The following SEL1L2 variants were observed in gnomAD, a reference collection of about 807,000 sequenced individuals.
The protein encoded by SEL1L2 is protein sel-1 homolog 2.
In SEL1L2, 89 loss-of-function variants were observed where a neutral mutation model predicts 98.8. The observed-to-expected ratio is 0.90, with a 90% CI of 0.76 to 1.07. SEL1L2 has a LOEUF of 1.07. Ranked by LOEUF, SEL1L2 falls within the 50% of genes least tolerant of loss-of-function variation. The probability of loss-of-function intolerance (pLI) is 0.00; values close to 1 mark genes in which losing one functional copy is unlikely to be tolerated. For synonymous variants in SEL1L2, 262 were observed against 278.5 expected (o/e 0.94, Z 0.59); for missense variants, 788 against 812.0 (o/e 0.97, Z 0.36).
At chr20:13,940,872 C>T (rs949669197) in intron 2 of SEL1L2, among the ~76,000 whole-genome samples, 1 of 151,954 alleles carries the variant, frequency 6.6e-6, no homozygotes, top group African/African-American at 2.4e-5. Flanking sequence ...TGCACTCCAG[C>T]CTGGGTGACA....
chr20:13,877,265 C>T (rs901924952), intron 11 of SEL1L2, among the ~76,000 whole-genome samples: 3 of 152,242 alleles, frequency 2.0e-5, no homozygotes, highest in Admixed American at 2.0e-4. Context: ...TGAAAGAGGC[C>T]TGCTGCCCTG....
At chr20:13,864,890 T>C (rs1324896726) in intron 17 of SEL1L2, among the ~76,000 whole-genome samples, 1 of 152,178 alleles carries the variant, frequency 6.6e-6, no homozygotes, top group East Asian at 1.9e-4. Flanking sequence ...AGTAAAATTG[T>C]ATATTTCAAA....
Position 13,881,666 on chromosome 20 carries a change from G to T in SEL1L2, c.957+3681C>A, listed in dbSNP as rs754530926. 3.9e-5 allele frequency among the ~76,000 whole-genome samples: 6 copies of T among 152,162 alleles called. 1 individual carries two copies. Among genetic ancestry groups the T allele is most frequent in the Non-Finnish European group, 8.8e-5 (6 of 68,024 alleles). Reference sequence around the variant, plus strand: ...AGAGGGTAAAAACGTTTTCTGTGATGACAACTCATGAGAGAGATTAGTTCA... The same window carrying T: ...AGAGGGTAAAAACGTTTTCTGTGATTACAACTCATGAGAGAGATTAGTTCA... On this transcript the variant is annotated intron_variant, in intron 10 of 19. Coordinates refer to ENST00000284951, the MANE Select transcript of SEL1L2 (RefSeq NM_025229.2).
chr20:13,873,746 G>A (rs1360874679), intron 12 of SEL1L2, among the ~76,000 whole-genome samples: 1 of 152,188 alleles, frequency 6.6e-6, no homozygotes, highest in African/African-American at 2.4e-5. Context: ...GTTTCAGGGT[G>A]TAATGCTCTT....
chr20:13,898,705 G>A (rs2047526592), intron 5 of SEL1L2, among the ~76,000 whole-genome samples: 1 of 152,024 alleles, frequency 6.6e-6, no homozygotes, highest in South Asian at 2.1e-4. Flanking sequence ...CCTGGGCCCT[G>A]TTTAGCACCT....
chr20:13,962,025 G>T (rs149708804), intron 1 of SEL1L2, among the ~76,000 whole-genome samples: 1 of 152,120 alleles, frequency 6.6e-6, no homozygotes, highest in South Asian at 2.1e-4. Flanking sequence ...GAACTTCATC[G>T]ACATCTTGAC....
chr20:13,865,186 C>G lies in SEL1L2; in HGVS notation c.1626G>C (p.Trp542Cys). 1 of 1,612,960 alleles carries G rather than the reference C, an allele frequency of 6.2e-7. No individual in the cohort carries two copies. Among genetic ancestry groups the G allele is most frequent in the South Asian group, 1.1e-5 (1 of 91,014 alleles). The change falls in exon 17 of 20, where the codon TGG becomes TGC. Residue 542 changes from tryptophan (W) to cysteine (C), a missense_variant. By Grantham distance (215) the Trp-to-Cys change is radical. Transcript: ENST00000284951. ...EKMYPMALLL[W>C]NRAAIQGNAF... ...CCATACCTTGAATGGCAGCTCGATT[C>G]CATAGGAGAAGCGCCATTGGATACA...
At chr20:13,910,068 T>C (rs2048149988) in intron 5 of SEL1L2, among the ~76,000 whole-genome samples, 1 of 152,178 alleles carries the variant, frequency 6.6e-6, no homozygotes, top group Admixed American at 6.5e-5. Flanking sequence ...TTTTGGGCCA[T>C]AAGTTTGTCC....
chr20:13,873,532 T>G (rs1246036791), intron 12 of SEL1L2, among the ~76,000 whole-genome samples: 1 of 151,914 alleles, frequency 6.6e-6, no homozygotes, highest in Non-Finnish European at 1.5e-5. Flanking sequence ...CAGCTAATTT[T>G]TGTATTTTTA....
chr20:13,864,150 C>T (rs1393860850), intron 17 of SEL1L2, among the ~76,000 whole-genome samples: 1 of 152,140 alleles, frequency 6.6e-6, no homozygotes, highest in East Asian at 1.9e-4. Context: ...GGTATTGTTT[C>T]CCCACTCTAA....
chr20:13,896,718 T>C (rs1423766213), intron 5 of SEL1L2, among the ~76,000 whole-genome samples: 2 of 152,118 alleles, frequency 1.3e-5, no homozygotes, highest in African/African-American at 4.8e-5. Context: ...TAAAAGACTT[T>C]TACAGAAATC....
At chr20:13,995,281 T>G (rs890805825), upstream of SEL1L2, 3 of 232,614 alleles carry the variant, frequency 1.3e-5, no homozygotes, top group Non-Finnish European at 2.5e-5. The surrounding 1 kb of genome is among the most constrained non-coding windows in gnomAD (Gnocchi z 4.3). Flanking sequence ...TCCAGCCCCC[T>G]CGCTCCCTGG....
intron 5 of SEL1L2, among the ~76,000 whole-genome samples, chr20:13,893,811 T>C (rs2047310298): frequency 6.6e-6 from 1 of 152,248 alleles, no homozygotes; most frequent in Admixed American, 6.5e-5. Flanking sequence ...TTTAAGAATA[T>C]TTAAATCATA....
intron 1 of SEL1L2, among the ~76,000 whole-genome samples, chr20:13,957,973 C>T (rs1313853031): frequency 6.6e-6 from 1 of 152,096 alleles, no homozygotes; most frequent in Non-Finnish European, 1.5e-5. Flanking sequence ...CTATTATATA[C>T]ATTAGGATTG....
chr20:13,925,489 T>C (rs1752785828), intron 3 of SEL1L2, among the ~76,000 whole-genome samples: 1 of 152,236 alleles, frequency 6.6e-6, no homozygotes, highest in Admixed American at 6.5e-5. Context: ...TTGCCTACGA[T>C]GGCGGGTGGT....
chr20:13,887,296 C>T (rs1247254266), intron 8 of SEL1L2, among the ~76,000 whole-genome samples: 1 of 152,028 alleles, frequency 6.6e-6, no homozygotes, highest in African/African-American at 2.4e-5. Context: ...CCTAATAATG[C>T]CAAAGATGTG....
intron 4 of SEL1L2, 96 bp from the exon 5 acceptor site, chr20:13,914,040 G>A (rs2048307414): frequency 9.1e-7 from 1 of 1,096,890 alleles, no homozygotes. Context: ...TAACAAGCAG[G>A]AACCAGTTGT....
At chr20:13,970,878 T>G (rs1225304133) in intron 1 of SEL1L2, among the ~76,000 whole-genome samples, 1 of 149,210 alleles carries the variant, frequency 6.7e-6, no homozygotes, top group African/African-American at 2.4e-5. Flanking sequence ...GAAATTAATA[T>G]TCCTATATAT....
At chr20:13,931,807 G>A (rs754360880) in intron 2 of SEL1L2, 36 bp from the exon 3 acceptor site, 3 of 1,435,622 alleles carry the variant, frequency 2.1e-6, no homozygotes, top group Middle Eastern at 1.9e-4. Context: ...TTTTGTTCAT[G>A]TGTGAGTTTT....
Sources: gnomAD v4.1 joint callset for allele counts (sites outside exome capture counted in the v4.1 genomes callset) on GRCh38, gnomAD v4.1.1 for gene constraint, Gnocchi (gnomAD v3.1) non-coding constraint, MANE v1.5 for transcripts, NCBI Gene and HGNC (gene_info 2026-07-23, HGNC 2026-07-21) for gene names.